The following RLBP1 variants were observed in gnomAD, a reference collection of about 807,000 sequenced individuals.
The protein encoded by RLBP1 is retinaldehyde binding protein 1.
In RLBP1, 26 loss-of-function variants were observed where a neutral mutation model predicts 36.2. That is an observed-to-expected ratio of 0.72 (90% confidence interval 0.53 to 1.00). The LOEUF (loss-of-function observed/expected upper bound fraction) is 1.00. Among genes scored for constraint, RLBP1 ranks in the 50% least tolerant of loss-of-function variants. RLBP1 has a pLI of 0.00. For missense variants in RLBP1, 410 were observed against 402.4 expected (o/e 1.02, Z -0.16); for synonymous variants, 155 against 156.2 (o/e 0.99, Z 0.06).
Position 89,210,018 on chromosome 15 carries a change from A to G in RLBP1, c.*267T>C. On this transcript the variant is annotated 3_prime_UTR_variant, in exon 9 of 9. Coordinates refer to ENST00000268125, the MANE Select transcript of RLBP1 (RefSeq NM_000326.5). This position sits in a 1 kb window ranked among gnomAD's most constrained non-coding sequence, Gnocchi z 4.7. Reference sequence around the variant, plus strand: ...GAAAATGAATTCGAGTCTTTGAAATACAACCTTACACAAAAATCACTGTCT... The same window carrying G: ...GAAAATGAATTCGAGTCTTTGAAATGCAACCTTACACAAAAATCACTGTCT... 3.9e-6 allele frequency: 2 copies of G among 517,426 alleles called. No individual in the cohort carries two copies. Among genetic ancestry groups the G allele is most frequent in the South Asian group, 4.6e-5 (2 of 43,584 alleles). The allele number at this position is 517,426 out of a possible 1,614,324, so 32.1% of individuals were successfully genotyped here. A position where few individuals can be genotyped will look rare whatever the true frequency, so the allele number is the denominator to read the frequency against.
intron 5 of RLBP1, 53 bp downstream of exon 5, chr15:89,217,067 A>T: frequency 6.3e-7 from 1 of 1,579,860 alleles, no homozygotes; most frequent in Non-Finnish European, 8.7e-7. Flanking sequence ...AGCGGATAGC[A>T]TCCTCATGGC....
rs2051599596 is a variant in RLBP1 at position 89,218,421 on chromosome 15, G to A, written c.141+144C>T. On this transcript the variant is annotated intron_variant, in intron 4 of 8. Transcript: ENST00000268125. The surrounding 1 kb of genome is among the most constrained non-coding windows in gnomAD (Gnocchi z 4.6). ...CTGCCATAGCCGTGACCACCAGGAA[G>A]GACCTTAGAACCGGCCAGTCTATCA... The A allele has an allele frequency of 2.4e-6, 3 of 1,255,280 alleles. No homozygotes were observed. Among genetic ancestry groups the A allele is most frequent in the Non-Finnish European group, 2.3e-6 (2 of 883,634 alleles). 77.8% of individuals were successfully genotyped at this position (1,255,280 alleles called of 1,614,324 possible). A position where few individuals can be genotyped will look rare whatever the true frequency, so the allele number is the denominator to read the frequency against.
In RLBP1 at chr15:89,214,239, T is replaced by A. The variant is rs1224910250; in HGVS notation, c.525+821A>T. ...ACTTTGGGAGGCCGAGGTGGGCGGA[T>A]CACTTGAGCTCAGGAGTTTGAGACC... is the stretch of plus-strand genomic sequence containing the variant. On this transcript the variant is annotated intron_variant, in intron 6 of 8. Transcript: ENST00000268125. This position sits in a 1 kb window ranked among gnomAD's most constrained non-coding sequence, Gnocchi z 4.6. Among the ~76,000 whole-genome samples, 1 of 152,094 alleles carries A rather than the reference T, an allele frequency of 6.6e-6. No homozygotes were observed. Among genetic ancestry groups the A allele is most frequent in the Admixed American group, 6.6e-5 (1 of 15,244 alleles).
intron 6 of RLBP1, among the ~76,000 whole-genome samples, chr15:89,212,219 T>C (rs182425265): frequency 6.6e-5 from 10 of 152,304 alleles, no homozygotes; most frequent in Non-Finnish European, 7.4e-5. Flanking sequence ...TTAAAAACAA[T>C]ACAGAAGACT....
intron 1 of RLBP1, among the ~76,000 whole-genome samples, chr15:89,221,138 G>A (rs1232868224): frequency 6.6e-6 from 1 of 151,470 alleles, no homozygotes; most frequent in Non-Finnish European, 1.5e-5. Flanking sequence ...CTCCTGAGTA[G>A]CTGGAACTAC....
At chr15:89,215,573 G>T (rs919579519) in intron 5 of RLBP1, among the ~76,000 whole-genome samples, 1 of 152,164 alleles carries the variant, frequency 6.6e-6, no homozygotes, top group Non-Finnish European at 1.5e-5. Context: ...TCCCCATGGG[G>T]ACAAGACACA....
Position 89,210,077 on chromosome 15 carries a change from C to A in RLBP1, c.*208G>T. The A allele has an allele frequency of 1.7e-6, 1 of 605,238 alleles. No homozygotes were observed. Among genetic ancestry groups the A allele is most frequent in the Non-Finnish European group, 2.9e-6 (1 of 339,124 alleles). The allele number at this position is 605,238 out of a possible 1,614,324, so 37.5% of individuals were successfully genotyped here. ...CAAGGGCAGGTGGAAATATAACTAT[C>A]CCCAGTTCTTCTTGTTCAAGGGAAT... On this transcript the variant is annotated 3_prime_UTR_variant, in exon 9 of 9. Coordinates refer to ENST00000268125, the MANE Select transcript of RLBP1 (RefSeq NM_000326.5). The surrounding 1 kb of genome is among the most constrained non-coding windows in gnomAD (Gnocchi z 4.7).
At position 89,218,562 on chromosome 15, in the gene RLBP1, C is replaced by T; in HGVS notation, c.141+3G>A. The T allele has an allele frequency of 6.2e-7, 1 of 1,614,262 alleles. No individual in the cohort carries two copies. The highest frequency in any genetic ancestry group is 8.5e-7 in the Non-Finnish European group (1 of 1,180,046). On this transcript the variant is annotated splice_donor_region_variant and intron_variant, in intron 4 of 8. Transcript: ENST00000268125. The surrounding 1 kb of genome is among the most constrained non-coding windows in gnomAD (Gnocchi z 4.6). ...CTCCTCTCCGCACTGTCAGCCACCT[C>T]ACCTTCTGCAAGGTGTGGCGGGGCA...
chr15:89,217,856 A>G (rs2051595060), intron 4 of RLBP1, among the ~76,000 whole-genome samples: 1 of 152,120 alleles, frequency 6.6e-6, no homozygotes. Flanking sequence ...TCCTGCCCAG[A>G]GCCTCACATT....
At position 89,215,009 on chromosome 15, in the gene RLBP1, G is replaced by T. The variant is rs543946426; in HGVS notation, c.525+51C>A. 2.2e-5 allele frequency: 35 copies of T among 1,587,722 alleles called. No homozygotes were observed. The East Asian group carries it at 7.2e-4, about 32-fold the overall frequency. ...TGAGGGCCCAGTAGAGGCCAGGGTT[G>T]AGGGAGGGAACCCAGCCCACAGGGT... On this transcript the variant is annotated intron_variant, in intron 6 of 8. Transcript: ENST00000268125.
intron 1 of RLBP1, among the ~76,000 whole-genome samples, chr15:89,220,752 G>A (rs1016006767): frequency 7.2e-5 from 11 of 152,058 alleles, no homozygotes; most frequent in Non-Finnish European, 1.5e-4. Flanking sequence ...CAGGCAAGAG[G>A]GACAGTGGCT....
At chr15:89,216,249 G>A (rs1165562312) in intron 5 of RLBP1, among the ~76,000 whole-genome samples, 1 of 152,006 alleles carries the variant, frequency 6.6e-6, no homozygotes, top group Non-Finnish European at 1.5e-5. Flanking sequence ...CCTGCAGAGG[G>A]CCCACTCAGA....
chr15:89,220,432 C>T (rs934876724), intron 1 of RLBP1, among the ~76,000 whole-genome samples: 1 of 152,182 alleles, frequency 6.6e-6, no homozygotes, highest in Non-Finnish European at 1.5e-5. Flanking sequence ...AAGCATAGTT[C>T]CCCTTCTCTT....
At chr15:89,212,248 G>A (rs144359984) in intron 6 of RLBP1, among the ~76,000 whole-genome samples, 1 of 152,310 alleles carries the variant, frequency 6.6e-6, no homozygotes, top group East Asian at 1.9e-4. Context: ...AGGAAAATGT[G>A]CATGATATAT....
rs1487981218 is a variant in RLBP1, at chr15:89,211,642, G to T, written c.684+101C>A. 1.6e-6 allele frequency: 2 copies of T among 1,270,746 alleles called. No homozygotes were observed. Among genetic ancestry groups the T allele is most frequent in the Non-Finnish European group, 2.3e-6 (2 of 887,390 alleles). 78.7% of individuals were successfully genotyped at this position (1,270,746 alleles called of 1,614,324 possible). A position where few individuals can be genotyped will look rare whatever the true frequency, so the allele number is the denominator to read the frequency against. ...TCACTGCTCTTTATGGCGCGAGGTGGTCCAACTTCTCAGTTCCCTGCAAGC... is the reference window on the plus strand; with the variant it reads ...TCACTGCTCTTTATGGCGCGAGGTGTTCCAACTTCTCAGTTCCCTGCAAGC... On this transcript the variant is annotated intron_variant, in intron 7 of 8. Coordinates refer to ENST00000268125, the MANE Select transcript of RLBP1 (RefSeq NM_000326.5). This position sits in a 1 kb window ranked among gnomAD's most constrained non-coding sequence, Gnocchi z 5.8.
At chr15:89,213,087 A>G (rs1393066545) in intron 6 of RLBP1, among the ~76,000 whole-genome samples, 1 of 152,208 alleles carries the variant, frequency 6.6e-6, no homozygotes, top group African/African-American at 2.4e-5. Flanking sequence ...AAGAAAAAAC[A>G]TATATTTAAG....
chr15:89,220,358 C>G (rs1181605497), intron 1 of RLBP1, among the ~76,000 whole-genome samples: 1 of 152,168 alleles, frequency 6.6e-6, no homozygotes, highest in African/African-American at 2.4e-5. Context: ...CAGTACCTAC[C>G]AAAAAGAACT....
Position 89,215,192 on chromosome 15 carries a change from C to A in RLBP1, c.393G>T (p.Leu131=). ...TGGTGCAGCGGACAGCCTCTGGGGA[C>A]AGGCTGTCAAAGAGCTCAGGGTACT... is the stretch of plus-strand genomic sequence containing the variant. ...RLQYPELFDS[L]SPEAVRCTIE... The change falls in exon 6 of 9, where the codon CTG becomes CTT. Residue 131 remains leucine, a synonymous_variant. Transcript: ENST00000268125. 1.2e-6 allele frequency: 2 copies of A among 1,614,190 alleles called. No homozygotes were observed. Among genetic ancestry groups the A allele is most frequent in the South Asian group, 2.2e-5 (2 of 91,082 alleles).
intron 1 of RLBP1, 108 bp downstream of exon 1, chr15:89,221,427 G>A (rs150602234): frequency 1.3e-5 from 2 of 152,262 alleles, no homozygotes; most frequent in African/African-American, 4.8e-5. Flanking sequence ...AGAATGGCCA[G>A]GTGGTTTCAG....
Sources: allele counts gnomAD v4.1 joint callset (sites outside exome capture counted in the v4.1 genomes callset), GRCh38; gene constraint gnomAD v4.1.1; non-coding constraint Gnocchi (gnomAD v3.1); transcripts MANE v1.5; gene names NCBI Gene and HGNC (gene_info 2026-07-23, HGNC 2026-07-21).